The following NREP variants were observed in gnomAD, a reference collection of about 807,000 sequenced individuals.
NREP encodes neuronal regeneration related protein.
A neutral mutation model predicts 8.6 loss-of-function variants in NREP; 5 were observed. The ratio of observed to expected loss-of-function variants is 0.58; its 90% CI spans 0.30 to 1.22. The LOEUF (loss-of-function observed/expected upper bound fraction) is 1.22, where lower values mean the gene tolerates loss of function less well. NREP is among the 50% of genes most tolerant of loss of function. NREP has a pLI of 0.07. For missense variants in NREP, 86 were observed against 82.5 expected, an observed-to-expected ratio of 1.04 and a Z score of -0.17; for synonymous variants, 27 against 28.0, an observed-to-expected ratio of 0.96 and a Z score of 0.11.
In NREP at chr5:111,892,280, C is replaced by A. The variant is rs1375440897; in HGVS notation, c.135+82994G>T. Among the ~76,000 whole-genome samples the A allele has an allele frequency of 2.0e-5, 3 of 152,182 alleles. No individual in the cohort carries two copies. The East Asian group carries it at 5.8e-4, about 29-fold the overall frequency. On this transcript the variant is annotated intron_variant, in intron 2 of 3. Coordinates refer to the NREP transcript ENST00000395634. ...AAACAAATCATACAATAGAGGGCAT[C>A]TACTTAAATTGCTAAACAATGTGCT...
chr5:111,751,867 G>A lies in NREP; in HGVS notation c.3+3903C>T, dbSNP rs566810107. On this transcript the variant is annotated intron_variant, in intron 2 of 3. Transcript: ENST00000257435. ...ATTTCACTTTGGCTATGAGGATATGGCCTTAAAAGACTTTCCAACCAGGAA... is the reference window on the plus strand; with the variant it reads ...ATTTCACTTTGGCTATGAGGATATGACCTTAAAAGACTTTCCAACCAGGAA... Among the ~76,000 whole-genome samples, 3 of 152,154 alleles carry A rather than the reference G, an allele frequency of 2.0e-5. No individual in the cohort carries two copies. In the East Asian group the frequency reaches 5.8e-4, roughly 29 times the overall value.
At chr5:111,886,983 T>A (rs1355862731) in intron 2 of NREP, among the ~76,000 whole-genome samples, 1 of 148,730 alleles carries the variant, frequency 6.7e-6, no homozygotes, top group Non-Finnish European at 1.5e-5. Context: ...AATAATAAAA[T>A]AAAAAATAGA....
At chr5:111,733,138 AAT>A (rs1322452680) in intron 3 of NREP, 3 of 152,198 alleles carry the variant, frequency 2.0e-5, no homozygotes, top group Admixed American at 1.3e-4. Context: ...GGTCCCAGAT[AAT>A]ATACATTTCT....
At chr5:111,736,609 T>C (rs1238080496) in intron 2 of NREP, among the ~76,000 whole-genome samples, 2 of 152,194 alleles carry the variant, frequency 1.3e-5, no homozygotes, top group Non-Finnish European at 2.9e-5. Context: ...GATCAATCCA[T>C]TTTGTCAGGG....
intron 2 of NREP, among the ~76,000 whole-genome samples, chr5:111,785,976 A>G (rs1437498028): frequency 6.6e-6 from 1 of 151,808 alleles, no homozygotes; most frequent in Non-Finnish European, 1.5e-5. Flanking sequence ...AAGAGAGGTC[A>G]CTCTCTTTTT....
intron 2 of NREP, among the ~76,000 whole-genome samples, chr5:111,943,353 C>G (rs748505953): frequency 1.2e-4 from 19 of 152,054 alleles, no homozygotes; most frequent in Non-Finnish European, 2.9e-5. Flanking sequence ...CTGTCTTGCT[C>G]TTAAATGCTG....
chr5:111,896,586 A>G (rs1754516065), intron 2 of NREP, among the ~76,000 whole-genome samples: 1 of 152,190 alleles, frequency 6.6e-6, no homozygotes. Context: ...GAGGCTACCA[A>G]CCATTTAAAC....
intron 2 of NREP, among the ~76,000 whole-genome samples, chr5:111,764,016 ATG>A (rs1751025078): frequency 6.6e-6 from 1 of 152,226 alleles, no homozygotes; most frequent in South Asian, 2.1e-4. Flanking sequence ...AAACCTCTAT[ATG>A]TACATATCCC....
chr5:111,748,264 T>G (rs1032089953), intron 2 of NREP, among the ~76,000 whole-genome samples: 2 of 152,182 alleles, frequency 1.3e-5, no homozygotes, highest in Non-Finnish European at 2.9e-5. Flanking sequence ...TTCCCAAACA[T>G]TTGAGCCTTC....
intron 2 of NREP, among the ~76,000 whole-genome samples, chr5:111,834,282 G>GT (rs1752842365): frequency 6.6e-6 from 1 of 152,146 alleles, no homozygotes; most frequent in Non-Finnish European, 1.5e-5. Context: ...ATACTTCACA[G>GT]TTCTTAACAG....
rs1404841381 is a variant in NREP at position 111,729,331 on chromosome 5, C to CAAATACTACTA, written c.*1579_*1589dup. 3 of 152,170 alleles carry CAAATACTACTA rather than the reference C, an allele frequency of 2.0e-5. No homozygotes were observed. The highest frequency in any genetic ancestry group is 2.9e-5 in the Non-Finnish European group (2 of 68,042). 9.4% of individuals were successfully genotyped at this position (152,170 alleles called of 1,614,324 possible). On this transcript the variant is annotated 3_prime_UTR_variant, in exon 4 of 4. Transcript: ENST00000257435. Reference sequence around the variant, plus strand: ...CCTTACAGCTTGCGTATTTATTGAACAAATACTACTAAAATAGCTAAAATA... The same window carrying CAAATACTACTA: ...CCTTACAGCTTGCGTATTTATTGAACAAATACTACTAAAATACTACTAAAATAGCTAAAATA...
chr5:111,967,165 A>G (rs1756665720), intron 2 of NREP, among the ~76,000 whole-genome samples: 1 of 152,308 alleles, frequency 6.6e-6, no homozygotes, highest in African/African-American at 2.4e-5. Flanking sequence ...CAATACTCCA[A>G]CAGTGCTAGA....
intron 1 of NREP, among the ~76,000 whole-genome samples, chr5:111,975,663 T>G (rs147488103): frequency 1.3e-5 from 2 of 152,176 alleles, no homozygotes; most frequent in African/African-American, 4.8e-5. Flanking sequence ...ACATATTACA[T>G]AGAAAAACAG....
chr5:111,939,812 T>C (rs1217196545), intron 2 of NREP, among the ~76,000 whole-genome samples: 3 of 151,974 alleles, frequency 2.0e-5, no homozygotes, highest in Non-Finnish European at 4.4e-5. Context: ...ATGGAGAAAA[T>C]GGATAAGCTT....
chr5:111,891,328 CT>C (rs1212426596), intron 2 of NREP, among the ~76,000 whole-genome samples: 2 of 152,172 alleles, frequency 1.3e-5, no homozygotes, highest in African/African-American at 4.8e-5. Context: ...TTTCATCAAC[CT>C]GGGTTTCACT....
At position 111,899,703 on chromosome 5, in the gene NREP, TTAACTC is replaced by T. The variant is rs1355900929; in HGVS notation, c.135+75565_135+75570del. Among the ~76,000 whole-genome samples, 6 of 152,152 alleles carry T rather than the reference TTAACTC, an allele frequency of 3.9e-5. No homozygotes were observed. In the East Asian group the frequency reaches 9.6e-4, roughly 24 times the overall value. On this transcript the variant is annotated intron_variant, in intron 2 of 3. Transcript: ENST00000395634. ...ATATGCTGCCTACAAGAAACTCACT[TTAACTC>T]TAAAGACACACATGGACTGAAAGTT...
chr5:111,752,778 A>T (rs1344724846), intron 2 of NREP, among the ~76,000 whole-genome samples: 1 of 152,222 alleles, frequency 6.6e-6, no homozygotes. Context: ...CATGGCACAC[A>T]CACACACTGA....
chr5:111,930,776 C>A (rs1411301778), intron 2 of NREP, among the ~76,000 whole-genome samples: 3 of 152,148 alleles, frequency 2.0e-5, no homozygotes, highest in Non-Finnish European at 2.9e-5. Context: ...TCACAGCAGT[C>A]TCTCTCCTCT....
At chr5:111,965,799 T>C (rs187058863) in intron 2 of NREP, among the ~76,000 whole-genome samples, 3 of 152,326 alleles carry the variant, frequency 2.0e-5, no homozygotes, top group East Asian at 3.9e-4. Context: ...TAAATGTGTA[T>C]GTATTTAAAT....
Sources: allele counts gnomAD v4.1 joint callset (sites outside exome capture counted in the v4.1 genomes callset), GRCh38; gene constraint gnomAD v4.1.1; transcripts MANE v1.5; gene names NCBI Gene and HGNC (gene_info 2026-07-23, HGNC 2026-07-21).